Variants in ADGRV1 observed in about 807,000 individuals in gnomAD.
ADGRV1 encodes adhesion G protein-coupled receptor V1.
A neutral mutation model predicts 596.2 loss-of-function variants in ADGRV1; 359 were observed. The ratio of observed to expected loss-of-function variants is 0.60; its 90% confidence interval spans 0.55 to 0.66. The LOEUF (loss-of-function observed/expected upper bound fraction) is 0.66, where lower values mean the gene tolerates loss of function less well. ADGRV1 is among the 30% of genes least tolerant of loss of function. ADGRV1 has a pLI of 0.00. For synonymous variants in ADGRV1, 2,681 were observed against 2,679.2 expected, an observed-to-expected ratio of 1.00 and a Z score of -0.02; for missense variants, 7,274 against 7,575.6, an observed-to-expected ratio of 0.96 and a Z score of 1.48.
At chr5:90,742,931 T>G (rs1754142464) in intron 50 of ADGRV1, among the ~76,000 whole-genome samples, 1 of 152,186 alleles carries the variant, frequency 6.6e-6, no homozygotes, top group African/African-American at 2.4e-5. Flanking sequence ...TGGTGATTGC[T>G]TGGGAGAGGA....
At chr5:90,760,420 A>G (rs1756395598) in intron 58 of ADGRV1, among the ~76,000 whole-genome samples, 1 of 152,202 alleles carries the variant, frequency 6.6e-6, no homozygotes, top group African/African-American at 2.4e-5. Context: ...AGCTCTTAAT[A>G]TCAGGAAATT....
At chr5:90,819,782 A>C (rs1416920960) in intron 75 of ADGRV1, among the ~76,000 whole-genome samples, 10 of 152,032 alleles carry the variant, frequency 6.6e-5, no homozygotes, top group Non-Finnish European at 1.3e-4. Flanking sequence ...TCTGAGAGAT[A>C]GTTTGTTATA....
intron 77 of ADGRV1, among the ~76,000 whole-genome samples, chr5:90,838,985 A>G (rs1026079435): frequency 6.6e-6 from 1 of 152,150 alleles, no homozygotes; most frequent in African/African-American, 2.4e-5. Flanking sequence ...ATGTGACCCT[A>G]TTTATTCTAC....
chr5:90,825,147 G>A (rs1477875006), intron 76 of ADGRV1, among the ~76,000 whole-genome samples: 3 of 152,028 alleles, frequency 2.0e-5, no homozygotes, highest in Non-Finnish European at 4.4e-5. Flanking sequence ...CTGTTGGCCT[G>A]GCTAGTCTGG....
At chr5:90,962,751 A>G (rs535321675) in intron 83 of ADGRV1, among the ~76,000 whole-genome samples, 169 of 152,290 alleles carry the variant, frequency 1.1e-3, no homozygotes, top group African/African-American at 3.9e-3. Flanking sequence ...TCAGATAATA[A>G]CCTGGAACAA....
chr5:90,621,476 G>A (rs1470592519), intron 4 of ADGRV1, among the ~76,000 whole-genome samples: 2 of 152,108 alleles, frequency 1.3e-5, no homozygotes, highest in African/African-American at 2.4e-5. Flanking sequence ...GAATGATAAG[G>A]AATTGAATGA....
rs775717140 is a variant in ADGRV1 at position 90,694,711 on chromosome 5, G to T, written c.7945+10G>T. On this transcript the variant is annotated intron_variant, in intron 33 of 89. Coordinates refer to ENST00000405460, the MANE Select transcript of ADGRV1 (RefSeq NM_032119.4). ...CTGACCTTTGCTGAAGGTGAGCAAT[G>T]GTTCTAAATGAATTTCCGTTGCCCC... The T allele has an allele frequency of 1.3e-6, 2 of 1,539,592 alleles. No individual in the cohort carries two copies. Among genetic ancestry groups the T allele is most frequent in the South Asian group, 1.3e-5 (1 of 77,434 alleles).
intron 1 of ADGRV1, among the ~76,000 whole-genome samples, chr5:90,562,232 A>G (rs191011829): frequency 6.6e-6 from 1 of 152,330 alleles, no homozygotes; most frequent in Non-Finnish European, 1.5e-5. Flanking sequence ...TAAACATACT[A>G]CTAATAAACT....
chr5:90,816,022 A>G (rs887373102), intron 75 of ADGRV1, among the ~76,000 whole-genome samples: 1 of 152,200 alleles, frequency 6.6e-6, no homozygotes, highest in African/African-American at 2.4e-5. Context: ...CTCTACATAC[A>G]TACCATTTTC....
intron 85 of ADGRV1, among the ~76,000 whole-genome samples, chr5:90,998,577 T>C (rs565520236): frequency 6.6e-6 from 1 of 152,244 alleles, no homozygotes; most frequent in African/African-American, 2.4e-5. Flanking sequence ...CTTTTTATCA[T>C]TGTTGTGATG....
Position 90,863,744 on chromosome 5 carries a change from T to C in ADGRV1, c.17756-13T>C, listed in dbSNP as rs1767826478. On this transcript the variant is annotated splice_polypyrimidine_tract_variant and intron_variant, in intron 82 of 89. Transcript: ENST00000405460. ...GATTATTAAACCATATGTGGACTTT[T>C]TTGTTCCTACAGGTCTTTGCTTGGC... 2 of 1,590,382 alleles carry C rather than the reference T, an allele frequency of 1.3e-6. No individual in the cohort carries two copies. Among genetic ancestry groups the C allele is most frequent in the African/African-American group, 2.7e-5 (2 of 74,566 alleles).
chr5:91,014,276 TGTAA>T (rs1782998321), intron 85 of ADGRV1, among the ~76,000 whole-genome samples: 1 of 151,946 alleles, frequency 6.6e-6, no homozygotes. Flanking sequence ...GAATATGGTT[TGTAA>T]GTATTTTATT....
intron 50 of ADGRV1, among the ~76,000 whole-genome samples, chr5:90,734,581 ATTTTTTTTTTTT>A (rs3045850): frequency 9.9e-6 from 1 of 101,100 alleles, no homozygotes; most frequent in Non-Finnish European, 1.9e-5. Context: ...TCTTTAGCCT[ATTTTTTTTTTTT>A]TTTTTTTTTT....
At chr5:90,750,748 T>C (rs1003646827) in intron 53 of ADGRV1, 51 bp downstream of exon 53, 3 of 1,472,280 alleles carry the variant, frequency 2.0e-6, no homozygotes, top group Admixed American at 1.7e-5. Flanking sequence ...TGGTTACTAG[T>C]GATGTATGGG....
At chr5:91,149,296 A>G (rs879936457) in intron 87 of ADGRV1, among the ~76,000 whole-genome samples, 1 of 152,216 alleles carries the variant, frequency 6.6e-6, no homozygotes, top group Non-Finnish European at 1.5e-5. Flanking sequence ...CCCATGTGTC[A>G]AGGGCAGGAC....
chr5:90,737,456 A>G lies in ADGRV1; in HGVS notation c.10550-7590A>G, dbSNP rs371009746. On this transcript the variant is annotated intron_variant, in intron 50 of 89. Coordinates refer to ENST00000405460, the MANE Select transcript of ADGRV1 (RefSeq NM_032119.4). ...TGTCTGTTAGGTCTATTTGGTCTAC[A>G]GTGTAATTAAGTCCAGTGTTTTCTT... 5.9e-5 allele frequency among the ~76,000 whole-genome samples: 9 copies of G among 152,096 alleles called. No individual in the cohort carries two copies. In the South Asian group the frequency reaches 1.7e-3, roughly 28 times the overall value.
intron 50 of ADGRV1, among the ~76,000 whole-genome samples, chr5:90,738,249 AT>A (rs550225006): frequency 8.6e-5 from 13 of 151,942 alleles, no homozygotes; most frequent in East Asian, 7.7e-4. Context: ...TGATCTCAGA[AT>A]TTTTTTTGTA....
chr5:91,061,287 C>G (rs568837721), intron 85 of ADGRV1, among the ~76,000 whole-genome samples: 34 of 152,308 alleles, frequency 2.2e-4, no homozygotes, highest in African/African-American at 8.2e-4. Flanking sequence ...TTCACTGGAA[C>G]CTACCTGGAA....
chr5:90,861,033 A>G (rs768646944), intron 82 of ADGRV1, among the ~76,000 whole-genome samples: 4 of 152,108 alleles, frequency 2.6e-5, no homozygotes, highest in Non-Finnish European at 5.9e-5. Context: ...AAACTTTCAA[A>G]TATTGTAGAG....
Sources: allele counts gnomAD v4.1 joint callset (sites outside exome capture counted in the v4.1 genomes callset), GRCh38; gene constraint gnomAD v4.1.1; transcripts MANE v1.5; gene names NCBI Gene and HGNC (gene_info 2026-07-23, HGNC 2026-07-21).